Variants in TNS1 observed in about 807,000 individuals in gnomAD.
TNS1 encodes tensin-1.
A neutral mutation model predicts 168.6 loss-of-function variants in TNS1; 62 were observed. The ratio of observed to expected loss-of-function variants is 0.37; its 90% CI spans 0.30 to 0.45. TNS1 has a LOEUF of 0.45. Among genes scored for constraint, TNS1 ranks in the 20% least tolerant of loss-of-function variants. TNS1 has a pLI of 1.00. For synonymous variants in TNS1, 934 were observed against 933.2 expected (o/e 1.00, Z -0.02); for missense variants, 2,240 against 2,339.4 (o/e 0.96, Z 0.88).
rs143639311 is a variant in TNS1 at position 217,928,513 on chromosome 2, C to T, written c.187-8277G>A. The stretch of plus-strand genomic sequence containing the variant: ...GAGGCAAGAAGGGGCCTGTTCCCAG[C>T]AACACCAAGCCAGGGCACACACACC... On this transcript the variant is annotated intron_variant, in intron 3 of 32. Coordinates refer to ENST00000682258, the MANE Select transcript of TNS1 (RefSeq NM_001387777.1). Among the ~76,000 whole-genome samples, 909 of 152,336 alleles carry T rather than the reference C, an allele frequency of 6.0e-3. 8 individuals are homozygous for T. The highest frequency in any genetic ancestry group is 0.011 in the Admixed American group (169 of 15,302).
At chr2:217,812,486 G>A (rs753866387) in intron 27 of TNS1, 41 bp from the exon 28 acceptor site, 26 of 1,565,332 alleles carry the variant, frequency 1.7e-5, no homozygotes, top group Non-Finnish European at 2.3e-5. Flanking sequence ...AGTGATACTG[G>A]AAGCCAGAAG....
intron 4 of TNS1, among the ~76,000 whole-genome samples, chr2:217,919,703 G>A (rs903221783): frequency 1.3e-5 from 2 of 152,234 alleles, no homozygotes; most frequent in Non-Finnish European, 2.9e-5. Flanking sequence ...ACGGGAAGAG[G>A]AGTGGGGGAA....
chr2:217,922,248 C>T (rs775834898), intron 3 of TNS1, among the ~76,000 whole-genome samples: 33 of 152,202 alleles, frequency 2.2e-4, no homozygotes, highest in African/African-American at 8.0e-4. Context: ...GTCTCAGCTA[C>T]GGGGGACACT....
At chr2:217,807,968 C>T in intron 32 of TNS1, 107 bp downstream of exon 32, 3 of 1,355,418 alleles carry the variant, frequency 2.2e-6, no homozygotes, top group Non-Finnish European at 2.1e-6. Context: ...AAGGTTTTTG[C>T]TGCTCTTTCC....
rs1242138373 is a variant in TNS1, at chr2:217,978,900, C to G, written c.149-98G>C. ...CCCACCCCAGCCCGCAATCCGCGCT[C>G]GGGAAGGAAGGAGGGAAGGAGGGAC... On this transcript the variant is annotated intron_variant, in intron 2 of 32. Transcript: ENST00000682258. The G allele has an allele frequency of 5.8e-6, 4 of 689,764 alleles. No individual in the cohort carries two copies. In the Admixed American group the frequency reaches 8.1e-5, roughly 14 times the overall value. 42.7% of individuals were successfully genotyped at this position (689,764 alleles called of 1,614,324 possible).
upstream of TNS1, among the ~76,000 whole-genome samples, chr2:218,007,241 G>A (rs1185449565): frequency 2.0e-5 from 3 of 152,082 alleles, no homozygotes; most frequent in African/African-American, 7.2e-5. Context: ...CTCAGATTCT[G>A]GTATTCTCCC....
intron 1 of TNS1, among the ~76,000 whole-genome samples, chr2:218,030,334 T>C (rs1322861116): frequency 6.6e-6 from 1 of 152,232 alleles, no homozygotes; most frequent in Non-Finnish European, 1.5e-5. Flanking sequence ...TGTCACTTCC[T>C]TCACCTTCCC....
At chr2:217,925,413 C>T (rs537784847) in intron 3 of TNS1, among the ~76,000 whole-genome samples, 3 of 152,284 alleles carry the variant, frequency 2.0e-5, no homozygotes, top group Non-Finnish European at 4.4e-5. Flanking sequence ...AAAGAGCCAA[C>T]CTCTCAGCCT....
rs1937515503 is a variant in TNS1, at chr2:217,801,763, C to T, written c.*2696G>A. On this transcript the variant is annotated 3_prime_UTR_variant, in exon 33 of 33. Transcript: ENST00000682258. ...CACAGAAGGGCTCTGGTGCAGGGCCCAGAGGTGGGGCCACTGTGGGGACTG... is the reference window on the plus strand; with the variant it reads ...CACAGAAGGGCTCTGGTGCAGGGCCTAGAGGTGGGGCCACTGTGGGGACTG... 1 of 152,260 alleles carries T rather than the reference C, an allele frequency of 6.6e-6. No individual in the cohort carries two copies. Among genetic ancestry groups the T allele is most frequent in the Non-Finnish European group, 1.5e-5 (1 of 68,080 alleles). 9.4% of individuals were successfully genotyped at this position (152,260 alleles called of 1,614,324 possible). A position where few individuals can be genotyped will look rare whatever the true frequency, so the allele number is the denominator to read the frequency against.
At chr2:217,850,518 C>T (rs924701246) in intron 18 of TNS1, 8 of 984,920 alleles carry the variant, frequency 8.1e-6, no homozygotes, top group African/African-American at 3.5e-5. Flanking sequence ...AGAACTTCCC[C>T]GCCCAGAGGA....
At position 217,892,847 on chromosome 2, in the gene TNS1, G is replaced by C. The variant is rs937172023; in HGVS notation, c.782+101C>G. On this transcript the variant is annotated intron_variant, in intron 11 of 32. Coordinates refer to ENST00000682258, the MANE Select transcript of TNS1 (RefSeq NM_001387777.1). ...TCATCGCTTCTCATTCCCTCTGTGC[G>C]TATCCCCTCACTCCAGGGAGCAGAG... 15 of 1,324,682 alleles carry C rather than the reference G, an allele frequency of 1.1e-5. 1 individual carries two copies. The Admixed American group carries it at 2.6e-4, about 23-fold the overall frequency. The allele number at this position is 1,324,682 out of a possible 1,614,324, so 82.1% of individuals were successfully genotyped here.
At chr2:217,918,241 G>A (rs1377395326) in intron 4 of TNS1, among the ~76,000 whole-genome samples, 1 of 152,228 alleles carries the variant, frequency 6.6e-6, no homozygotes, top group Non-Finnish European at 1.5e-5. Context: ...TTATGAAGAA[G>A]AGAAACGGAG....
intron 11 of TNS1, among the ~76,000 whole-genome samples, chr2:217,892,603 G>A (rs753228563): frequency 2.0e-5 from 3 of 152,146 alleles, no homozygotes; most frequent in Admixed American, 6.5e-5. Context: ...GATCTGATCC[G>A]ACATTTCTTT....
intron 1 of TNS1, among the ~76,000 whole-genome samples, chr2:218,031,980 G>T (rs1444242394): frequency 6.6e-6 from 1 of 152,238 alleles, no homozygotes; most frequent in Non-Finnish European, 1.5e-5. Context: ...ACAGCAGAGA[G>T]CAAGGAGGCA....
chr2:217,833,494 A>C lies in TNS1; in HGVS notation c.3280+1597T>G, dbSNP rs531734365. The stretch of plus-strand genomic sequence containing the variant: ...GCTGGCCAAGAGGAGGGAGAGAAGA[A>C]GGCAAAACCCAGTTCTAGCACAGCC... On this transcript the variant is annotated intron_variant, in intron 21 of 32. Transcript: ENST00000682258. Among the ~76,000 whole-genome samples the C allele has an allele frequency of 4.6e-5, 7 of 152,396 alleles. No individual in the cohort carries two copies. In the South Asian group the frequency reaches 1.4e-3, roughly 32 times the overall value.
rs200067532 is a variant in TNS1 at position 217,814,818 on chromosome 2, G to A, written c.4729+94C>T. The A allele has an allele frequency of 8.9e-5, 91 of 1,020,654 alleles. 1 individual carries two copies. The East Asian group carries it at 1.8e-3, about 20-fold the overall frequency. The allele number at this position is 1,020,654 out of a possible 1,614,324, so 63.2% of individuals were successfully genotyped here. ...CTCTGTGATGACCCCCTGCTACAAA[G>A]AGGACTGAATTTGCCTCTGTTCCTT... is the stretch of plus-strand genomic sequence containing the variant. On this transcript the variant is annotated intron_variant, in intron 25 of 32. Coordinates refer to ENST00000682258, the MANE Select transcript of TNS1 (RefSeq NM_001387777.1).
At chr2:218,004,507 T>C (rs1255223384), upstream of TNS1, among the ~76,000 whole-genome samples, 1 of 152,114 alleles carries the variant, frequency 6.6e-6, no homozygotes, top group Non-Finnish European at 1.5e-5. Context: ...CCAAGACATC[T>C]ACCTGGGAAA....
chr2:217,833,712 G>A (rs1445869224), intron 21 of TNS1, among the ~76,000 whole-genome samples: 6 of 152,190 alleles, frequency 3.9e-5, no homozygotes, highest in East Asian at 3.9e-4. Context: ...ACACATGGCC[G>A]CAGAGCCGTT....
intron 1 of TNS1, among the ~76,000 whole-genome samples, chr2:218,000,556 A>G (rs1958543771): frequency 6.6e-6 from 1 of 152,172 alleles, no homozygotes; most frequent in African/African-American, 2.4e-5. Context: ...TGATCTTTTG[A>G]TATCTATTGT....
Sources: gnomAD v4.1 joint callset for allele counts (sites outside exome capture counted in the v4.1 genomes callset) on GRCh38, gnomAD v4.1.1 for gene constraint, MANE v1.5 for transcripts, NCBI Gene and HGNC (gene_info 2026-07-23, HGNC 2026-07-21) for gene names.